Variants in NEBL observed in about 807,000 individuals in gnomAD.
NEBL encodes nebulette, also known as LIM and SH3 protein 2.
In NEBL, 122 loss-of-function variants were observed where a neutral mutation model predicts 140.2. The ratio of observed to expected loss-of-function variants is 0.87; its 90% CI spans 0.75 to 1.01. The LOEUF (loss-of-function observed/expected upper bound fraction) is 1.01, where lower values mean the gene tolerates loss of function less well. Among genes scored for constraint, NEBL ranks in the 50% least tolerant of loss-of-function variants. The pLI is 0.00. For missense variants in NEBL, 1,365 were observed against 1,231.3 expected (o/e 1.11, Z -1.62); for synonymous variants, 436 against 398.9 (o/e 1.09, Z -1.11).
intron 2 of NEBL, among the ~76,000 whole-genome samples, chr10:20,891,366 A>C (rs1847013723): frequency 1.3e-5 from 2 of 152,224 alleles, no homozygotes; most frequent in African/African-American, 4.8e-5. Context: ...ACTAGTAATT[A>C]AACTGTTAAT....
chr10:20,943,206 A>C (rs1834978374), intron 4 of NEBL, among the ~76,000 whole-genome samples: 1 of 152,184 alleles, frequency 6.6e-6, no homozygotes, highest in Admixed American at 6.5e-5. Flanking sequence ...CCAACAATGA[A>C]AGACTGGATT....
At chr10:20,931,077 C>G (rs1834160076) in intron 4 of NEBL, among the ~76,000 whole-genome samples, 1 of 151,670 alleles carries the variant, frequency 6.6e-6, no homozygotes, top group African/African-American at 2.4e-5. Context: ...ATTCACACCT[C>G]AGTCATTCAT....
rs192522612 is a variant in NEBL, at chr10:20,893,508, G to C, written c.153+3450C>G. Among the ~76,000 whole-genome samples the C allele has an allele frequency of 2.5e-3, 377 of 152,238 alleles. 2 individuals are homozygous for C. The highest frequency in any genetic ancestry group is 8.5e-3 in the African/African-American group (353 of 41,544). ...AGCAAGTGCAAAGCAGAAACTAGGT[G>C]GGGGGAGAAAGAGAAAGAAAGAAAA... On this transcript the variant is annotated intron_variant, in intron 2 of 27. Transcript: ENST00000377122.
chr10:21,126,455 G>A (rs1408814597), intron 2 of NEBL, among the ~76,000 whole-genome samples: 1 of 152,124 alleles, frequency 6.6e-6, no homozygotes, highest in African/African-American at 2.4e-5. Context: ...TTCACCCAGT[G>A]TGTGGACTCT....
rs753124756 is a variant in NEBL at position 20,869,774 on chromosome 10, T to C, written c.548A>G (p.Lys183Arg). Residue 183 changes from lysine to arginine, a missense_variant, in exon 6 of 28, where the codon AAG (lysine) becomes AGG (arginine). Lys to Arg is a conservative substitution (Grantham distance 26). Around this residue, in one of 2 missense-constraint regions of NEBL, gnomAD observed 1,323 missense variants for 1,154.8 expected, o/e 1.15. Transcript: ENST00000377122. ...GATCTTAGAGATCTGGGTTGCCATC[T>C]TGATGTCTGGTCGGTCAAGTTCTGC... is the stretch of plus-strand genomic sequence containing the variant. ...YSAELDRPDI[K>R]MATQISKIIS... 4 of 1,613,404 alleles carry C rather than the reference T, an allele frequency of 2.5e-6. No homozygotes were observed. Among genetic ancestry groups the C allele is most frequent in the Non-Finnish European group, 1.7e-6 (2 of 1,179,364 alleles).
intron 2 of NEBL, among the ~76,000 whole-genome samples, chr10:20,896,405 A>G (rs1024194428): frequency 6.7e-6 from 1 of 149,926 alleles, no homozygotes; most frequent in Admixed American, 6.7e-5. Flanking sequence ...TTGCACTAAT[A>G]TCCTTGCACT....
At chr10:20,995,556 A>T (rs1837634942) in intron 3 of NEBL, among the ~76,000 whole-genome samples, 1 of 152,188 alleles carries the variant, frequency 6.6e-6, no homozygotes. Flanking sequence ...GAGAAGCTCT[A>T]TGGTAACCGA....
Position 21,273,463 on chromosome 10 carries a change from G to C in NEBL, n.182+19367C>G, listed in dbSNP as rs530575572. 2.3e-4 allele frequency among the ~76,000 whole-genome samples: 35 copies of C among 152,266 alleles called. 1 individual carries two copies. Among genetic ancestry groups the C allele is most frequent in the African/African-American group, 8.2e-4 (34 of 41,558 alleles). Reference sequence around the variant, plus strand: ...TCCTCCCACTGAAGCTAGACAGAGGGGCTAAGCATCACAGGGCTGGTAGAA... The same window carrying C: ...TCCTCCCACTGAAGCTAGACAGAGGCGCTAAGCATCACAGGGCTGGTAGAA... On this transcript the variant is annotated intron_variant and non_coding_transcript_variant, in intron 1 of 8. Coordinates refer to the NEBL transcript ENST00000675702.
chr10:20,926,391 T>C (rs1472629589), intron 4 of NEBL, among the ~76,000 whole-genome samples: 1 of 95,920 alleles, frequency 1.0e-5, no homozygotes, highest in Non-Finnish European at 2.3e-5. Context: ...GTGATTTGAT[T>C]ATGTGAAATT....
At chr10:21,112,582 C>T (rs1838072250) in intron 2 of NEBL, among the ~76,000 whole-genome samples, 1 of 146,210 alleles carries the variant, frequency 6.8e-6, no homozygotes, top group South Asian at 2.2e-4. Context: ...CACACTGGGG[C>T]CTGTCGGGGG....
At chr10:20,929,571 C>G (rs1364254304) in intron 4 of NEBL, among the ~76,000 whole-genome samples, 1 of 152,152 alleles carries the variant, frequency 6.6e-6, no homozygotes, top group Non-Finnish European at 1.5e-5. Flanking sequence ...TGGAATACTA[C>G]TCAGAGAAAG....
At chr10:20,948,766 C>T (rs896482911) in intron 4 of NEBL, among the ~76,000 whole-genome samples, 6 of 152,176 alleles carry the variant, frequency 3.9e-5, no homozygotes, top group South Asian at 4.1e-4. Context: ...GATCAAGATT[C>T]GGGCCACACT....
At chr10:20,823,905 C>T (rs944163398) in intron 18 of NEBL, among the ~76,000 whole-genome samples, 1 of 152,170 alleles carries the variant, frequency 6.6e-6, no homozygotes, top group African/African-American at 2.4e-5. Flanking sequence ...GGAAGGTCAG[C>T]GCCAGGAAGT....
chr10:21,223,918 T>A (rs1290761809), intron 3 of NEBL, among the ~76,000 whole-genome samples: 4 of 152,206 alleles, frequency 2.6e-5, no homozygotes, highest in Non-Finnish European at 5.9e-5. Flanking sequence ...GCTCCTTATA[T>A]ATTCTGGTTA....
intron 2 of NEBL, among the ~76,000 whole-genome samples, chr10:21,067,341 T>C (rs1296486143): frequency 6.6e-6 from 1 of 152,166 alleles, no homozygotes; most frequent in Non-Finnish European, 1.5e-5. Flanking sequence ...AGTTTTGTGA[T>C]AAACACTTTA....
chr10:20,811,893 C>T (rs1461132777), intron 24 of NEBL, among the ~76,000 whole-genome samples: 1 of 152,116 alleles, frequency 6.6e-6, no homozygotes, highest in African/African-American at 2.4e-5. Flanking sequence ...AATAATCATC[C>T]TTCCTAGCCC....
chr10:21,126,099 G>A (rs528060652), intron 2 of NEBL: 50 of 1,613,202 alleles, frequency 3.1e-5, no homozygotes, highest in Middle Eastern at 1.7e-4. Context: ...GGCCCTTCTC[G>A]GCTCTCCGTT....
intron 1 of NEBL, among the ~76,000 whole-genome samples, chr10:21,280,692 G>T (rs1448959527): frequency 8.4e-6 from 1 of 119,494 alleles, no homozygotes. Context: ...ACTGCTCACT[G>T]TAACCTCCAC....
At chr10:21,163,751 T>A (rs61851503) in intron 2 of NEBL, among the ~76,000 whole-genome samples, 54 of 152,314 alleles carry the variant, frequency 3.5e-4, no homozygotes, top group Non-Finnish European at 6.0e-4. Context: ...ACCAGTCTGG[T>A]TATTGATCAG....
Sources: allele counts gnomAD v4.1 joint callset (sites outside exome capture counted in the v4.1 genomes callset), GRCh38; gene constraint gnomAD v4.1.1; regional missense constraint gnomAD v4.1.1; transcripts MANE v1.5; gene names NCBI Gene and HGNC (gene_info 2026-07-23, HGNC 2026-07-21).